The following NCR1 variants were observed in gnomAD, a reference collection of about 807,000 sequenced individuals.
NCR1 encodes the protein NK cell-activating receptor.
A neutral mutation model predicts 32.5 loss-of-function variants in NCR1; 30 were observed. The observed-to-expected ratio is 0.92, with a 90% confidence interval of 0.69 to 1.25. The LOEUF is 1.25. Among genes scored for constraint, NCR1 ranks in the 50% most tolerant of loss-of-function variants. The pLI, the probability that NCR1 is intolerant of heterozygous loss-of-function variation, is 0.00. For missense variants in NCR1, 369 were observed against 380.7 expected (o/e 0.97, Z 0.26); for synonymous variants, 169 against 143.4 (o/e 1.18, Z -1.28).
intron 6 of NCR1, 21 bp downstream of exon 6, chr19:54,912,239 A>G: frequency 1.2e-6 from 2 of 1,611,488 alleles, no homozygotes. Context: ...AGCTGGGGCC[A>G]TAGGCTCTGA....
intron 5 of NCR1, among the ~76,000 whole-genome samples, chr19:54,910,356 G>A (rs1209553976): frequency 6.6e-6 from 1 of 152,112 alleles, no homozygotes; most frequent in Non-Finnish European, 1.5e-5. Context: ...TGGATCACAA[G>A]GTCAGGAATT....
At chr19:54,911,216 G>A (rs1411475316) in intron 5 of NCR1, among the ~76,000 whole-genome samples, 2 of 151,966 alleles carry the variant, frequency 1.3e-5, no homozygotes, top group Non-Finnish European at 2.9e-5. Flanking sequence ...GGGCGTGGTG[G>A]CGGGCGCCTG....
the NCR1 span, chr19:54,938,208 C>T: frequency 5.0e-6 from 8 of 1,614,082 alleles, no homozygotes; most frequent in Non-Finnish European, 6.8e-6. Context: ...GAAGATCCTG[C>T]CGAGCCCAGT....
upstream of NCR1, among the ~76,000 whole-genome samples, chr19:54,904,129 A>C (rs2067389625): frequency 7.5e-6 from 1 of 134,106 alleles, no homozygotes; most frequent in South Asian, 2.2e-4. Flanking sequence ...CTGTCTCAAA[A>C]AAAAAAAAAA....
Position 54,910,056 on chromosome 19 carries a change from A to C in NCR1, c.673A>C (p.Thr225Pro). ...CACCAGCCTTGCACCTGAAGACCCC[A>C]CCTTTCCTGGTGAGTAACTGGTCCT... ...ENTSLAPEDP[T>P]FPADTWGTYL... Residue 225 changes from threonine to proline, a missense_variant, in exon 5 of 7, where the codon ACC becomes CCC. Thr to Pro is a conservative substitution (Grantham distance 38). Transcript: ENST00000291890. 1 of 1,612,510 alleles carries C rather than the reference A, an allele frequency of 6.2e-7. No homozygotes were observed. Among genetic ancestry groups the C allele is most frequent in the Non-Finnish European group, 8.5e-7 (1 of 1,179,608 alleles).
At chr19:54,932,839 T>C in the NCR1 span, among the ~76,000 whole-genome samples, 1 of 152,000 alleles carries the variant, frequency 6.6e-6, no homozygotes, top group Non-Finnish European at 1.5e-5. Context: ...TATTTTTTAG[T>C]AGCGATGGGT....
chr19:54,907,225 C>CAG (rs1162733294), intron 3 of NCR1, among the ~76,000 whole-genome samples: 1 of 150,760 alleles, frequency 6.6e-6, no homozygotes, highest in African/African-American at 2.4e-5. Flanking sequence ...GTGCAATCTC[C>CAG]AGTCACTGCA....
At chr19:54,921,489 A>G in the NCR1 span, among the ~76,000 whole-genome samples, 2 of 152,090 alleles carry the variant, frequency 1.3e-5, no homozygotes, top group Non-Finnish European at 2.9e-5. Context: ...GAACTTTGTC[A>G]GGCCAGGCAC....
chr19:54,925,524 G>C, the NCR1 span, among the ~76,000 whole-genome samples: 1 of 151,994 alleles, frequency 6.6e-6, no homozygotes, highest in Non-Finnish European at 1.5e-5. Context: ...AAGACAAGTG[G>C]GCTGTGCACA....
upstream of NCR1, among the ~76,000 whole-genome samples, chr19:54,904,071 A>C (rs2067386995): frequency 6.8e-6 from 1 of 147,678 alleles, no homozygotes; most frequent in Non-Finnish European, 1.5e-5. Flanking sequence ...GGTTGCAGTG[A>C]GCTGAGATCA....
At chr19:54,916,869 G>C (rs2068147562), downstream of NCR1, among the ~76,000 whole-genome samples, 1 of 150,912 alleles carries the variant, frequency 6.6e-6, no homozygotes, top group African/African-American at 2.4e-5. Flanking sequence ...CCAGCCAGAA[G>C]ACCCACGCTC....
At chr19:54,903,403 T>TATAC (rs2067352667), upstream of NCR1, among the ~76,000 whole-genome samples, 4 of 145,062 alleles carry the variant, frequency 2.8e-5, 1 homozygote, top group Admixed American at 2.1e-4. Context: ...TATGTATATG[T>TATAC]ATGTATACAC....
At chr19:54,921,491 G>A in the NCR1 span, among the ~76,000 whole-genome samples, 2 of 152,238 alleles carry the variant, frequency 1.3e-5, no homozygotes, top group East Asian at 1.9e-4. Context: ...ACTTTGTCAG[G>A]CCAGGCACAG....
At chr19:54,898,416 T>C in the NCR1 span, among the ~76,000 whole-genome samples, 1 of 152,138 alleles carries the variant, frequency 6.6e-6, no homozygotes, top group Non-Finnish European at 1.5e-5. Flanking sequence ...AGTTCTCGTG[T>C]GCTGGAGATG....
At chr19:54,925,931 T>A in the NCR1 span, among the ~76,000 whole-genome samples, 1 of 148,720 alleles carries the variant, frequency 6.7e-6, no homozygotes. Context: ...ACCCGGGAGG[T>A]GGAGCTTGCA....
chr19:54,938,194 G>C, the NCR1 span: 1 of 1,614,138 alleles, frequency 6.2e-7, no homozygotes, highest in African/African-American at 1.3e-5. Context: ...GAGGCGAAGA[G>C]AGCGAAGATC....
chr19:54,904,864 C>T (rs2067478277), upstream of NCR1, among the ~76,000 whole-genome samples: 1 of 152,146 alleles, frequency 6.6e-6, no homozygotes, highest in Non-Finnish European at 1.5e-5. Flanking sequence ...TGTTAACTCG[C>T]TTAGGATAAT....
chr19:54,902,444 G>A (rs1175211890), upstream of NCR1, among the ~76,000 whole-genome samples: 1 of 151,810 alleles, frequency 6.6e-6, no homozygotes, highest in Non-Finnish European at 1.5e-5. Context: ...GGGACTATAG[G>A]CGCACAGCAC....
chr19:54,909,926 C>T, intron 4 of NCR1, 92 bp from the exon 5 acceptor site: 1 of 1,024,616 alleles, frequency 9.8e-7, no homozygotes. Context: ...CAGAGCAAGA[C>T]TCCATCTCAA....
Sources: allele counts gnomAD v4.1 joint callset (sites outside exome capture counted in the v4.1 genomes callset), GRCh38; gene constraint gnomAD v4.1.1; transcripts MANE v1.5; gene names NCBI Gene and HGNC (gene_info 2026-07-23, HGNC 2026-07-21).